MAST4: variants seen among roughly 807,000 people sequenced by gnomAD.
The protein encoded by MAST4 is microtubule-associated serine/threonine-protein kinase 4.
A neutral mutation model predicts 162.7 loss-of-function variants in MAST4; 89 were observed. That is an observed-to-expected ratio of 0.55 (90% CI 0.46 to 0.65). The LOEUF (loss-of-function observed/expected upper bound fraction) is 0.65. Ranked by LOEUF, MAST4 falls within the 30% of genes least tolerant of loss-of-function variation. The pLI is 0.00. For missense variants in MAST4, 3,153 were observed against 3,374.0 expected, an observed-to-expected ratio of 0.93 and a Z score of 1.62; for synonymous variants, 1,479 against 1,361.1, an observed-to-expected ratio of 1.09 and a Z score of -1.91.
At chr5:67,075,214 A>G (rs982482194) in intron 5 of MAST4, among the ~76,000 whole-genome samples, 1 of 140,480 alleles carries the variant, frequency 7.1e-6, no homozygotes, top group East Asian at 2.1e-4. Context: ...TCTGTCATCT[A>G]AGCTGGAGTG....
chr5:67,033,951 T>G (rs979856752), intron 4 of MAST4, among the ~76,000 whole-genome samples: 11 of 152,208 alleles, frequency 7.2e-5, no homozygotes, highest in Admixed American at 3.9e-4. Flanking sequence ...TTTGTAACCC[T>G]GTTTATCTAT....
At chr5:66,658,372 A>T (rs527693263) in intron 1 of MAST4, among the ~76,000 whole-genome samples, 2 of 152,344 alleles carry the variant, frequency 1.3e-5, no homozygotes, top group African/African-American at 4.8e-5. Context: ...GCCTATTTCC[A>T]GCCAAGTTTT....
chr5:66,762,240 T>A (rs1313151676), intron 2 of MAST4, among the ~76,000 whole-genome samples: 2 of 151,020 alleles, frequency 1.3e-5, no homozygotes, highest in Non-Finnish European at 2.9e-5. Flanking sequence ...TTTAAATGTT[T>A]AATAGTCCTT....
chr5:66,856,255 A>C (rs886572484), intron 3 of MAST4, among the ~76,000 whole-genome samples: 6 of 152,180 alleles, frequency 3.9e-5, no homozygotes, highest in Admixed American at 3.9e-4. Context: ...GCTGATGTCA[A>C]AGGGTGCAGG....
At chr5:66,899,913 G>T (rs1447873300) in intron 3 of MAST4, 38 bp from the exon 4 acceptor site, 1 of 1,481,670 alleles carries the variant, frequency 6.7e-7, no homozygotes, top group Admixed American at 2.6e-5. Context: ...TAAGGTTAAT[G>T]CAGCATTGCT....
rs968241698 is a variant in MAST4, at chr5:67,090,143, C to G, written c.764-19C>G. Reference sequence around the variant, plus strand: ...ACACAAAATCATGTAGTAAATTTCTCTCTTTTCTCTTTCTCTAGGAAATAG... The same window carrying G: ...ACACAAAATCATGTAGTAAATTTCTGTCTTTTCTCTTTCTCTAGGAAATAG... On this transcript the variant is annotated intron_variant, in intron 5 of 28. Transcript: ENST00000403625. 6.4e-7 allele frequency: 1 copy of G among 1,556,900 alleles called. No individual in the cohort carries two copies. The highest frequency in any genetic ancestry group is 1.4e-5 in the African/African-American group (1 of 73,810).
intron 4 of MAST4, among the ~76,000 whole-genome samples, chr5:67,046,047 A>G (rs1008410243): frequency 4.6e-5 from 7 of 152,020 alleles, no homozygotes; most frequent in African/African-American, 2.4e-5. Flanking sequence ...CACAAATACC[A>G]TTGTGTTGCA....
intron 3 of MAST4, among the ~76,000 whole-genome samples, chr5:66,884,580 G>A (rs893111339): frequency 3.9e-5 from 6 of 152,154 alleles, no homozygotes; most frequent in Admixed American, 3.9e-4. Context: ...TTTGATTACC[G>A]CGTTATTGCT....
intron 5 of MAST4, among the ~76,000 whole-genome samples, chr5:67,077,625 T>C (rs1423023212): frequency 1.3e-5 from 2 of 152,216 alleles, no homozygotes; most frequent in Admixed American, 6.5e-5. Context: ...ATCAGATTAC[T>C]TCACTTTACT....
At chr5:66,687,119 G>A (rs1748710261) in intron 1 of MAST4, among the ~76,000 whole-genome samples, 1 of 152,030 alleles carries the variant, frequency 6.6e-6, no homozygotes, top group African/African-American at 2.4e-5. Context: ...TATGTGCAGA[G>A]GTTTGCTACA....
chr5:66,608,426 G>A (rs752985576), intron 1 of MAST4, among the ~76,000 whole-genome samples: 2 of 141,582 alleles, frequency 1.4e-5, no homozygotes, highest in Non-Finnish European at 3.0e-5. Flanking sequence ...CATTCTTGAC[G>A]GGAATTCTCA....
rs953074027 is a variant in MAST4, at chr5:67,169,266, T to C, written c.*2215T>C. On this transcript the variant is annotated 3_prime_UTR_variant, in exon 29 of 29. Transcript: ENST00000403625. ...TGTATCATCATTTTTGCCAAATATG[T>C]TTTTCATTATAAATGAGTAAAGAGT... 1.3e-5 allele frequency: 2 copies of C among 152,250 alleles called. No homozygotes were observed. The highest frequency in any genetic ancestry group is 4.8e-5 in the African/African-American group (2 of 41,462). 9.4% of individuals were successfully genotyped at this position (152,250 alleles called of 1,614,324 possible).
intron 4 of MAST4, among the ~76,000 whole-genome samples, chr5:66,961,707 C>T (rs762160737): frequency 3.5e-4 from 53 of 152,098 alleles, no homozygotes; most frequent in Middle Eastern, 3.4e-3. Flanking sequence ...TGTGTGTTTC[C>T]GCATAGAGAC....
chr5:66,786,092 C>T (rs1407406718), intron 2 of MAST4, among the ~76,000 whole-genome samples: 2 of 152,110 alleles, frequency 1.3e-5, no homozygotes, highest in African/African-American at 4.8e-5. Flanking sequence ...TGGTCTTGAA[C>T]ACTTAGGCTC....
chr5:66,859,435 T>C (rs567843659), intron 3 of MAST4, among the ~76,000 whole-genome samples: 5 of 152,328 alleles, frequency 3.3e-5, no homozygotes, highest in Non-Finnish European at 5.9e-5. Flanking sequence ...AGTGTCTTCA[T>C]TGACCCTTGG....
intron 1 of MAST4, among the ~76,000 whole-genome samples, chr5:66,749,246 G>A (rs138166365): frequency 3.3e-4 from 50 of 152,210 alleles, no homozygotes; most frequent in African/African-American, 1.2e-3. Context: ...CTGAGGTCCA[G>A]TCTGAGAGAG....
intron 1 of MAST4, among the ~76,000 whole-genome samples, chr5:66,711,982 G>T (rs1266452249): frequency 4.6e-5 from 7 of 152,212 alleles, no homozygotes; most frequent in African/African-American, 1.7e-4. Flanking sequence ...AGGAGATTAG[G>T]ATGTAGATAT....
rs569646776 is a variant in MAST4, at chr5:67,043,701, C to CA, written c.675-10697dup. On this transcript the variant is annotated intron_variant, in intron 4 of 28. Transcript: ENST00000403625. ...GAATTTAATATACTTACATTGAGTA[C>CA]AAAAAACGGAAGTTAAAAACAAAAA... Among the ~76,000 whole-genome samples, 163 of 152,176 alleles carry CA rather than the reference C, an allele frequency of 1.1e-3. 1 individual carries two copies. Among genetic ancestry groups the CA allele is most frequent in the African/African-American group, 3.8e-3 (156 of 41,508 alleles).
Position 67,142,182 on chromosome 5 carries a change from G to C in MAST4, c.2562G>C (p.Gln854His). The C allele has an allele frequency of 7.4e-6, 12 of 1,613,952 alleles. No homozygotes were observed. The highest frequency in any genetic ancestry group is 9.3e-6 in the Non-Finnish European group (11 of 1,179,842). ...TAGACTGGAACAGTTTGCTGAGACA[G>C]AAGGCAGAATTTATTCCCCAACTGG... Reference protein sequence around the residue: ...RSLDWNSLLRQKAEFIPQLES... With the variant: ...RSLDWNSLLRHKAEFIPQLES... Residue 854 changes from glutamine (Q) to histidine (H), a missense_variant, in exon 20 of 29, where the codon CAG (glutamine) becomes CAC (histidine). Transcript: ENST00000403625.
Sources: gnomAD v4.1 joint callset for allele counts (sites outside exome capture counted in the v4.1 genomes callset) on GRCh38, gnomAD v4.1.1 for gene constraint, MANE v1.5 for transcripts, NCBI Gene and HGNC (gene_info 2026-07-23, HGNC 2026-07-21) for gene names.